BPTF: variants seen among roughly 807,000 people sequenced by gnomAD.
BPTF encodes nucleosome-remodeling factor subunit BPTF.
Under a neutral mutation model 292.5 loss-of-function variants are expected in BPTF, and 18 were observed. That is an observed-to-expected ratio of 0.06 (90% CI 0.04 to 0.09). The LOEUF (loss-of-function observed/expected upper bound fraction) is 0.09, where lower values mean the gene tolerates loss of function less well. Among genes scored for constraint, BPTF ranks in the 10% least tolerant of loss-of-function variants. The probability of loss-of-function intolerance (pLI) is 1.00; values close to 1 mark genes in which losing one functional copy is unlikely to be tolerated. For synonymous variants in BPTF, 1,225 were observed against 1,251.9 expected (o/e 0.98, Z 0.45); for missense variants, 2,726 against 3,498.7 (o/e 0.78, Z 5.57).
At chr17:67,922,394 G>A (rs7209023) in intron 13 of BPTF, among the ~76,000 whole-genome samples, 15,353 of 152,084 alleles carry the variant, frequency 0.1, 2,646 homozygotes, top group African/African-American at 0.35. Flanking sequence ...TTCTCTGTGC[G>A]GTGATAGGGA....
intron 1 of BPTF, among the ~76,000 whole-genome samples, chr17:67,830,352 T>C (rs2056553044): frequency 6.6e-6 from 1 of 152,242 alleles, no homozygotes; most frequent in African/African-American, 2.4e-5. Flanking sequence ...TAGTGATTTA[T>C]GTCCTCTAAG....
chr17:67,861,508 G>A (rs1445920576), intron 2 of BPTF, among the ~76,000 whole-genome samples: 3 of 151,908 alleles, frequency 2.0e-5, no homozygotes, highest in Non-Finnish European at 2.9e-5. Context: ...TAGAGACAGG[G>A]TTTCACCATG....
chr17:67,975,752 T>G lies in BPTF; in HGVS notation c.8540-20T>G. Reference sequence around the variant, plus strand: ...AAAACCTTAAAGCTCTGAAAATGTTTTACATTTTGTGTTTTTAAGACCTTG... The same window carrying G: ...AAAACCTTAAAGCTCTGAAAATGTTGTACATTTTGTGTTTTTAAGACCTTG... On this transcript the variant is annotated intron_variant, in intron 26 of 27. Coordinates refer to ENST00000306378, the MANE Select transcript of BPTF (RefSeq NM_182641.4). 1 of 1,585,558 alleles carries G rather than the reference T, an allele frequency of 6.3e-7. No homozygotes were observed. Among genetic ancestry groups the G allele is most frequent in the South Asian group, 1.1e-5 (1 of 87,562 alleles).
At chr17:67,884,396 A>C (rs577531899) in intron 4 of BPTF, among the ~76,000 whole-genome samples, 1 of 149,132 alleles carries the variant, frequency 6.7e-6, no homozygotes, top group Non-Finnish European at 1.5e-5. Context: ...GATTACAGGC[A>C]TGAGCCACTA....
At chr17:67,844,548 ATTTTTTTTTTC>A (rs1439592540) in intron 1 of BPTF, among the ~76,000 whole-genome samples, 12 of 141,308 alleles carry the variant, frequency 8.5e-5, no homozygotes, top group African/African-American at 2.9e-4. Context: ...CGCCCGGCTA[ATTTTTTTTTTC>A]TTTTTTTTTT....
chr17:67,895,218 A>G (rs1463892223), intron 7 of BPTF, among the ~76,000 whole-genome samples: 1 of 151,168 alleles, frequency 6.6e-6, no homozygotes, highest in African/African-American at 2.4e-5. Flanking sequence ...CTGTAGTCCC[A>G]GGTACTCGGG....
chr17:67,825,960 C>G lies in BPTF; in HGVS notation c.236C>G (p.Pro79Arg). 3 of 1,015,992 alleles carry G rather than the reference C, an allele frequency of 3.0e-6. No individual in the cohort carries two copies. The highest frequency in any genetic ancestry group is 3.5e-6 in the Non-Finnish European group (3 of 851,716). The allele number at this position is 1,015,992 out of a possible 1,614,324, so 62.9% of individuals were successfully genotyped here. A position where few individuals can be genotyped will look rare whatever the true frequency, so the allele number is the denominator to read the frequency against. ...GGSSSRRKPP[P>R]PPPAPPSTSA... ...AGCAGTAGCCGGAGGAAGCCGCCGC[C>G]GCCGCCGCCGGCCCCCCCCAGCACC... The change falls in exon 1 of 28, where the codon CCG becomes CGG. Residue 79 changes from proline to arginine, a missense_variant. By Grantham distance (103) the Pro-to-Arg change is moderately radical (BLOSUM62 -2). Around this residue, in one of 22 missense-constraint regions of BPTF, gnomAD observed 103 missense variants for 72.1 expected, o/e 1.43. Transcript: ENST00000306378.
At chr17:67,917,038 G>T (rs1332910898) in intron 11 of BPTF, among the ~76,000 whole-genome samples, 1 of 151,040 alleles carries the variant, frequency 6.6e-6, no homozygotes, top group Admixed American at 6.6e-5. Flanking sequence ...TTAAGAATGT[G>T]TAAAACGTTT....
rs1555673360 is a variant in BPTF, at chr17:67,944,320, A to G, written c.6648A>G (p.Thr2216=). ...GATTCCTCTTTACCCCATTGGCAACAACAGCCACCACAGCCAGCACCACCA... is the reference window on the plus strand; with the variant it reads ...GATTCCTCTTTACCCCATTGGCAACGACAGCCACCACAGCCAGCACCACCA... ...VQRFLFTPLA[T]TATTASTTTT... is the part of the protein sequence containing the mutation. Residue 2216 remains threonine, a synonymous_variant, in exon 20 of 28, where the codon ACA becomes ACG. Transcript: ENST00000306378. 11 of 1,613,962 alleles carry G rather than the reference A, an allele frequency of 6.8e-6. No individual in the cohort carries two copies. The highest frequency in any genetic ancestry group is 8.5e-6 in the Non-Finnish European group (10 of 1,180,044).
intron 26 of BPTF, among the ~76,000 whole-genome samples, chr17:67,967,170 T>G (rs2068208682): frequency 6.6e-6 from 1 of 151,168 alleles, no homozygotes; most frequent in Non-Finnish European, 1.5e-5. Context: ...TGAGACGATG[T>G]CTTGCTTTGT....
Position 67,854,282 on chromosome 17 carries a change from A to G in BPTF, c.956A>G (p.Tyr319Cys), listed in dbSNP as rs902160204. Residue 319 changes from tyrosine (Y) to cysteine (C), a missense_variant, in exon 2 of 28, where the codon TAT (tyrosine) becomes TGT (cysteine). By Grantham distance (194) the Tyr-to-Cys change is radical (BLOSUM62 -2). Around this residue, in one of 22 missense-constraint regions of BPTF, gnomAD observed 102 missense variants for 212.6 expected, o/e 0.48. Transcript: ENST00000306378. This position sits in a 1 kb window ranked among gnomAD's most constrained non-coding sequence, Gnocchi z 5.6. The part of the protein sequence containing the change: ...DLKDSVNSTL[Y>C]FIDGMTWPEV... ...AAAGATAGCGTTAATTCCACACTGT[A>G]TTTCATAGATGGGATGACGTGGCCA... The G allele has an allele frequency of 1.2e-6, 2 of 1,614,166 alleles. No individual in the cohort carries two copies. Among genetic ancestry groups the G allele is most frequent in the Admixed American group, 1.7e-5 (1 of 60,012 alleles).
intron 23 of BPTF, among the ~76,000 whole-genome samples, chr17:67,950,076 T>C (rs1174429766): frequency 7.3e-6 from 1 of 136,422 alleles, no homozygotes; most frequent in African/African-American, 2.8e-5. Context: ...AAAAAAACAT[T>C]TCATAACATA....
intron 25 of BPTF, among the ~76,000 whole-genome samples, chr17:67,964,745 A>G (rs1346403592): frequency 6.6e-6 from 1 of 152,128 alleles, no homozygotes; most frequent in Non-Finnish European, 1.5e-5. Context: ...TCATGCCTGT[A>G]ATCCCAGCAC....
At chr17:67,839,682 A>T (rs1365537241) in intron 1 of BPTF, among the ~76,000 whole-genome samples, 1 of 152,200 alleles carries the variant, frequency 6.6e-6, no homozygotes, top group Non-Finnish European at 1.5e-5. Flanking sequence ...ATCACAGTGC[A>T]TTTATCCATT....
chr17:67,871,694 A>T (rs1808842285), intron 3 of BPTF, among the ~76,000 whole-genome samples: 1 of 152,224 alleles, frequency 6.6e-6, no homozygotes, highest in South Asian at 2.1e-4. Context: ...CATGCAAAGT[A>T]TAGAATATAC....
At chr17:67,867,681 T>C (rs1414652309) in intron 3 of BPTF, among the ~76,000 whole-genome samples, 1 of 152,190 alleles carries the variant, frequency 6.6e-6, no homozygotes, top group Non-Finnish European at 1.5e-5. Flanking sequence ...GGTTAGGTAT[T>C]TTGTAGAAAG....
chr17:67,882,487 CTA>C (rs2060486075), intron 4 of BPTF, among the ~76,000 whole-genome samples: 1 of 152,156 alleles, frequency 6.6e-6, no homozygotes, highest in African/African-American at 2.4e-5. Context: ...AGTAATTCAG[CTA>C]TATGTTTGCT....
In BPTF at chr17:67,940,480, C is replaced by T. The variant is rs782145301; in HGVS notation, c.6301C>T (p.Pro2101Ser). The change falls in exon 19 of 28, where the codon CCT becomes TCT. Residue 2101 changes from proline to serine, a missense_variant. Around this residue, in one of 22 missense-constraint regions of BPTF, gnomAD observed 570 missense variants for 633.5 expected, o/e 0.90. Transcript: ENST00000306378. ...GATGACTCAAATCATCAGGGGGCAG[C>T]CTGTCTCCACTGCAGTCTCCGCCCC... is the stretch of plus-strand genomic sequence containing the variant. ...QVMTQIIRGQPVSTAVSAPNT... is the reference protein window; with the variant it reads ...QVMTQIIRGQSVSTAVSAPNT... 6 of 1,614,118 alleles carry T rather than the reference C, an allele frequency of 3.7e-6. No homozygotes were observed. In the South Asian group the frequency reaches 5.5e-5, roughly 15 times the overall value.
chr17:67,865,529 C>T (rs1481655662), intron 2 of BPTF, among the ~76,000 whole-genome samples: 1 of 152,160 alleles, frequency 6.6e-6, no homozygotes, highest in Non-Finnish European at 1.5e-5. Context: ...GTCCACATAT[C>T]TTACAAGCAA....
Sources: gnomAD v4.1 joint callset for allele counts (sites outside exome capture counted in the v4.1 genomes callset) on GRCh38, gnomAD v4.1.1 for gene constraint, gnomAD v4.1.1 regional missense constraint, Gnocchi (gnomAD v3.1) non-coding constraint, MANE v1.5 for transcripts, NCBI Gene and HGNC (gene_info 2026-07-23, HGNC 2026-07-21) for gene names.